ADD1: variants seen among roughly 807,000 people sequenced by gnomAD.
ADD1 encodes adducin 1, also known as alpha-adducin.
A neutral mutation model predicts 80.5 loss-of-function variants in ADD1; 24 were observed. The ratio of observed to expected loss-of-function variants is 0.30; its 90% CI spans 0.22 to 0.42. ADD1 has a LOEUF of 0.42. Ranked by LOEUF, ADD1 falls within the 10% of genes least tolerant of loss-of-function variation. The pLI is 1.00. For synonymous variants in ADD1, 373 were observed against 393.8 expected, an observed-to-expected ratio of 0.95 and a Z score of 0.63; for missense variants, 948 against 1,019.0, an observed-to-expected ratio of 0.93 and a Z score of 0.95.
intron 14 of ADD1, among the ~76,000 whole-genome samples, chr4:2,922,382 A>G (rs978312243): frequency 1.3e-4 from 20 of 152,122 alleles, no homozygotes; most frequent in African/African-American, 4.8e-4. Flanking sequence ...TTTTCCTTCT[A>G]ACAGACAGGC....
intron 1 of ADD1, chr4:2,868,003 A>G (rs1729806139): frequency 6.6e-6 from 1 of 152,262 alleles, no homozygotes; most frequent in African/African-American, 2.4e-5. Flanking sequence ...CTGCAAGAGG[A>G]CATCCGGAGA....
intron 13 of ADD1, among the ~76,000 whole-genome samples, chr4:2,913,472 C>A (rs948579249): frequency 2.0e-5 from 3 of 152,182 alleles, no homozygotes; most frequent in Non-Finnish European, 2.9e-5. Flanking sequence ...AACTTCTTAA[C>A]GAAAAGCCAA....
chr4:2,844,891 G>A (rs1725940986), intron 1 of ADD1: 1 of 152,204 alleles, frequency 6.6e-6, no homozygotes, highest in Non-Finnish European at 1.5e-5. Context: ...AATGGGGATA[G>A]GAAATAGAAT....
intron 4 of ADD1, among the ~76,000 whole-genome samples, chr4:2,885,340 A>T (rs1733075883): frequency 6.6e-6 from 1 of 152,114 alleles, no homozygotes; most frequent in Non-Finnish European, 1.5e-5. Flanking sequence ...TTCTCCATAG[A>T]TTCAGAACCC....
At chr4:2,852,189 T>TC (rs371676635) in intron 1 of ADD1, among the ~76,000 whole-genome samples, 8,393 of 49,488 alleles carry the variant, frequency 0.17, 374 homozygotes, top group East Asian at 0.27. Flanking sequence ...TTTCTTTCTT[T>TC]CTTTCTTTCC....
intron 1 of ADD1, among the ~76,000 whole-genome samples, chr4:2,850,734 T>C (rs1452691285): frequency 6.6e-6 from 1 of 150,654 alleles, no homozygotes; most frequent in Non-Finnish European, 1.5e-5. Context: ...CACGCCCGGC[T>C]AATTTTTATA....
chr4:2,909,421 C>G lies in ADD1; in HGVS notation c.1781C>G (p.Ser594Cys). Reference sequence around the variant, plus strand: ...ACCTTTAGTCCCGCTAAATCTCTCTCTTTTAGAAAGGTACTCACTGCCCTG... The same window carrying G: ...ACCTTTAGTCCCGCTAAATCTCTCTGTTTTAGAAAGGTACTCACTGCCCTG... ...EQTFSPAKSL[S>C]FRKGELVTAS... is the part of the protein sequence containing the mutation. The change falls in exon 13 of 16, where the codon TCT becomes TGT. Residue 594 changes from serine to cysteine, a missense_variant. By Grantham distance (112) the Ser-to-Cys change is moderately radical (BLOSUM62 -1). Coordinates refer to ENST00000683351, the MANE Select transcript of ADD1 (RefSeq NM_001354761.2). 1 of 1,550,096 alleles carries G rather than the reference C, an allele frequency of 6.5e-7. No homozygotes were observed.
intron 1 of ADD1, among the ~76,000 whole-genome samples, chr4:2,870,504 C>T (rs969268336): frequency 6.6e-6 from 1 of 151,670 alleles, no homozygotes; most frequent in African/African-American, 2.4e-5. Context: ...GAGTGCTGTT[C>T]AGTCAGGATT....
chr4:2,928,533 G>GCTA lies in ADD1; in HGVS notation c.*11_*13dup. On this transcript the variant is annotated 3_prime_UTR_variant, in exon 16 of 16. Transcript: ENST00000683351. ...GAAGAGTGACTCCTGAAAGCCCTGC[G>GCTA]CTAACACTGTCCTGTCCGGAGCGAC... 6.2e-7 allele frequency: 1 copy of GCTA among 1,611,214 alleles called. No homozygotes were observed. Among genetic ancestry groups the GCTA allele is most frequent in the East Asian group, 2.2e-5 (1 of 44,876 alleles).
intron 1 of ADD1, among the ~76,000 whole-genome samples, chr4:2,863,226 T>A (rs1324101202): frequency 2.0e-5 from 3 of 149,080 alleles, no homozygotes; most frequent in Non-Finnish European, 3.0e-5. Flanking sequence ...TTAATTTTTT[T>A]TTTTTTTTTT....
chr4:2,866,231 A>G (rs1237475135), intron 1 of ADD1, among the ~76,000 whole-genome samples: 1 of 152,182 alleles, frequency 6.6e-6, no homozygotes, highest in Admixed American at 6.5e-5. Flanking sequence ...CAGTAGCACA[A>G]TCTCGGCTTA....
intron 2 of ADD1, among the ~76,000 whole-genome samples, chr4:2,877,066 CTAAT>C (rs1731471936): frequency 6.6e-6 from 1 of 151,660 alleles, no homozygotes; most frequent in Admixed American, 6.6e-5. Flanking sequence ...ACAGTACCTG[CTAAT>C]TGATTGATAC....
chr4:2,891,317 G>A (rs1413682961), intron 4 of ADD1, among the ~76,000 whole-genome samples: 1 of 152,058 alleles, frequency 6.6e-6, no homozygotes, highest in Non-Finnish European at 1.5e-5. Context: ...GCTGGGCATG[G>A]TGTGCCTGTA....
chr4:2,904,240 A>G (rs1397977727), intron 9 of ADD1, among the ~76,000 whole-genome samples: 1 of 152,162 alleles, frequency 6.6e-6, no homozygotes. Context: ...AGTCAATAAG[A>G]GCAACGGTAG....
In ADD1 at chr4:2,880,240, G is replaced by A. The variant is rs578169833; in HGVS notation, c.196-1658G>A. ...GGGGGTCCTCAGAGGGCTCTTGACAGACATTCTATTCTACCCTTAATTAAC... is the reference window on the plus strand; with the variant it reads ...GGGGGTCCTCAGAGGGCTCTTGACAAACATTCTATTCTACCCTTAATTAAC... On this transcript the variant is annotated intron_variant, in intron 2 of 15. Transcript: ENST00000683351. Among the ~76,000 whole-genome samples, 8 of 152,218 alleles carry A rather than the reference G, an allele frequency of 5.3e-5. No individual in the cohort carries two copies. The East Asian group carries it at 1.2e-3, about 22-fold the overall frequency.
At chr4:2,850,764 T>G (rs1271129493) in intron 1 of ADD1, among the ~76,000 whole-genome samples, 1 of 150,674 alleles carries the variant, frequency 6.6e-6, no homozygotes, top group Non-Finnish European at 1.5e-5. Flanking sequence ...GAGATGGGGT[T>G]TCACCACGTT....
intron 4 of ADD1, among the ~76,000 whole-genome samples, chr4:2,892,168 C>T (rs1040199925): frequency 2.0e-5 from 3 of 152,084 alleles, no homozygotes; most frequent in African/African-American, 7.2e-5. Context: ...CTGTTTGGGC[C>T]ACTACAGAAG....
chr4:2,858,401 G>C (rs1007213418), intron 1 of ADD1, among the ~76,000 whole-genome samples: 2 of 152,180 alleles, frequency 1.3e-5, no homozygotes, highest in African/African-American at 2.4e-5. Context: ...AACTGAAATA[G>C]ACAGAGATGA....
intron 1 of ADD1, among the ~76,000 whole-genome samples, chr4:2,859,188 A>G (rs1415345604): frequency 6.6e-6 from 1 of 152,198 alleles, no homozygotes; most frequent in Non-Finnish European, 1.5e-5. Flanking sequence ...GCAAAATAAA[A>G]TGTTTATCAG....
Sources: allele counts gnomAD v4.1 joint callset (sites outside exome capture counted in the v4.1 genomes callset), GRCh38; gene constraint gnomAD v4.1.1; transcripts MANE v1.5; gene names NCBI Gene and HGNC (gene_info 2026-07-23, HGNC 2026-07-21).